Variants in TRPM3 observed in about 807,000 individuals in gnomAD.
TRPM3 encodes the protein long transient receptor potential channel 3.
In TRPM3, 77 loss-of-function variants were observed where a neutral mutation model predicts 181.2. That is an observed-to-expected ratio of 0.42 (90% CI 0.35 to 0.51). TRPM3 has a LOEUF of 0.51. Among genes scored for constraint, TRPM3 ranks in the 20% least tolerant of loss-of-function variants. The pLI is 0.01. For missense variants in TRPM3, 1,759 were observed against 2,196.7 expected (o/e 0.80, Z 3.98); for synonymous variants, 745 against 796.4 (o/e 0.94, Z 1.09).
Position 70,759,091 on chromosome 9 carries a change from G to A in TRPM3, c.1272+2510C>T, listed in dbSNP as rs2077608098. On this transcript the variant is annotated intron_variant, in intron 8 of 25. Transcript: ENST00000677713. The stretch of plus-strand genomic sequence containing the variant: ...TTTTGCAATCTATCCATCTGACAAA[G>A]GGCTAATATCCAGAATCTATACAAA... Among the ~76,000 whole-genome samples the A allele has an allele frequency of 3.3e-5, 5 of 152,092 alleles. No individual in the cohort carries two copies. The South Asian group carries it at 1.0e-3, about 32-fold the overall frequency.
intron 5 of TRPM3, among the ~76,000 whole-genome samples, chr9:70,837,068 C>G (rs535781736): frequency 3.1e-4 from 47 of 152,216 alleles, no homozygotes; most frequent in Non-Finnish European, 4.9e-4. Context: ...CAGATTTGGG[C>G]GGGTGTCCTT....
intron 1 of TRPM3, among the ~76,000 whole-genome samples, chr9:71,232,944 A>T (rs997191101): frequency 4.7e-4 from 72 of 152,250 alleles, no homozygotes; most frequent in African/African-American, 1.7e-3. Context: ...TCACTGGGTA[A>T]TCCAGGGATC....
intron 12 of TRPM3, among the ~76,000 whole-genome samples, chr9:70,627,265 C>CT (rs1175860330): frequency 0.11 from 8,735 of 79,532 alleles, 878 homozygotes; most frequent in East Asian, 0.23. Flanking sequence ...TCCATTGCTG[C>CT]TTTTTTTTTT....
chr9:70,869,853 T>C (rs1473043126), intron 1 of TRPM3, among the ~76,000 whole-genome samples: 1 of 152,038 alleles, frequency 6.6e-6, no homozygotes, highest in Non-Finnish European at 1.5e-5. Flanking sequence ...TTCCAGCTGG[T>C]ATTCAGTCAC....
chr9:70,643,445 T>C (rs985878817), intron 9 of TRPM3, among the ~76,000 whole-genome samples: 2 of 152,144 alleles, frequency 1.3e-5, no homozygotes, highest in Admixed American at 1.3e-4. Flanking sequence ...GAGGTCAAGG[T>C]GAGCTACAGG....
At chr9:71,314,603 C>T (rs1240805777) in intron 1 of TRPM3, among the ~76,000 whole-genome samples, 1 of 152,062 alleles carries the variant, frequency 6.6e-6, no homozygotes, top group African/African-American at 2.4e-5. Context: ...ATAACTATGG[C>T]CCCCACCTCA....
chr9:71,303,470 G>A (rs1588392989), intron 1 of TRPM3, among the ~76,000 whole-genome samples: 1 of 152,184 alleles, frequency 6.6e-6, no homozygotes, highest in Non-Finnish European at 1.5e-5. Context: ...TCTCAAGATG[G>A]AGTATTAGAG....
intron 1 of TRPM3, among the ~76,000 whole-genome samples, chr9:71,392,149 TAG>T (rs966656645): frequency 5.9e-5 from 9 of 152,020 alleles, no homozygotes; most frequent in African/African-American, 2.2e-4. Flanking sequence ...TGTGGTGAAA[TAG>T]AGTGTGCTTG....
At chr9:70,635,116 G>A (rs1036806740) in intron 12 of TRPM3, 95 bp downstream of exon 12, 27 of 1,041,366 alleles carry the variant, frequency 2.6e-5, no homozygotes, top group Non-Finnish European at 3.8e-5. Context: ...ATAGGGACAG[G>A]AATACTCTGG....
intron 1 of TRPM3, among the ~76,000 whole-genome samples, chr9:71,079,296 T>C (rs1048414695): frequency 4.6e-5 from 7 of 152,198 alleles, no homozygotes; most frequent in South Asian, 4.1e-4. Flanking sequence ...CTATGGACAG[T>C]GGCAAGTTGC....
intron 1 of TRPM3, among the ~76,000 whole-genome samples, chr9:71,113,579 A>G (rs959332335): frequency 1.3e-5 from 2 of 152,200 alleles, no homozygotes; most frequent in Middle Eastern, 3.4e-3. Context: ...GACATGCCAT[A>G]TTTTCTTTGA....
chr9:70,699,640 A>G (rs1245038736), intron 8 of TRPM3, among the ~76,000 whole-genome samples: 1 of 152,192 alleles, frequency 6.6e-6, no homozygotes, highest in Non-Finnish European at 1.5e-5. Flanking sequence ...CAAGATCACT[A>G]AGCTGATAAG....
At chr9:70,959,462 A>G (rs2097114592) in intron 1 of TRPM3, among the ~76,000 whole-genome samples, 1 of 152,080 alleles carries the variant, frequency 6.6e-6, no homozygotes, top group Admixed American at 6.5e-5. Flanking sequence ...AAGAGAAAAA[A>G]AAAAGGAAAA....
chr9:70,552,693 C>G, intron 24 of TRPM3, 151 bp downstream of exon 24: 4 of 783,956 alleles, frequency 5.1e-6, no homozygotes, highest in Non-Finnish European at 6.6e-6. Context: ...AGTCAACTCC[C>G]TCATCCCCCA....
intron 1 of TRPM3, among the ~76,000 whole-genome samples, chr9:71,274,967 G>T (rs769457745): frequency 1.4e-4 from 20 of 147,704 alleles, no homozygotes; most frequent in Non-Finnish European, 2.9e-4. Flanking sequence ...TTGAGTCTGA[G>T]AAGAAGGTTT....
intron 8 of TRPM3, among the ~76,000 whole-genome samples, chr9:70,692,073 T>G (rs905537073): frequency 6.6e-6 from 1 of 152,218 alleles, no homozygotes; most frequent in Non-Finnish European, 1.5e-5. Context: ...GGCTTTCTTT[T>G]TTCCCCCCTG....
intron 1 of TRPM3, among the ~76,000 whole-genome samples, chr9:71,049,236 G>C (rs1262999945): frequency 6.6e-6 from 1 of 152,000 alleles, no homozygotes; most frequent in Non-Finnish European, 1.5e-5. Flanking sequence ...CTCACCCCAA[G>C]GCTGCTCTAA....
At chr9:71,119,279 A>G (rs2073105512) in intron 1 of TRPM3, among the ~76,000 whole-genome samples, 1 of 152,300 alleles carries the variant, frequency 6.6e-6, no homozygotes, top group African/African-American at 2.4e-5. Flanking sequence ...AAAAAATGGG[A>G]AGGACACACA....
rs139975365 is a variant in TRPM3, at chr9:70,816,021, G to A, written c.973+11826C>T. Among the ~76,000 whole-genome samples the A allele has an allele frequency of 1.9e-3, 282 of 152,232 alleles. 2 individuals are homozygous for A. Among genetic ancestry groups the A allele is most frequent in the African/African-American group, 6.1e-3 (252 of 41,542 alleles). On this transcript the variant is annotated intron_variant, in intron 6 of 25. Transcript: ENST00000677713. ...TCTGTAAGACAACAGATACTCCTAG[G>A]CTTTGTTCACTTAACAAGATGGAAA...
Sources: gnomAD v4.1 joint callset for allele counts (sites outside exome capture counted in the v4.1 genomes callset) on GRCh38, gnomAD v4.1.1 for gene constraint, MANE v1.5 for transcripts, NCBI Gene and HGNC (gene_info 2026-07-23, HGNC 2026-07-21) for gene names.